The following PLBD1 variants were observed in gnomAD, a reference collection of about 807,000 sequenced individuals.
PLBD1 encodes phospholipase B domain containing 1.
PLBD1 carries 60 observed loss-of-function variants against 63.0 expected under a neutral mutation model. The observed-to-expected ratio is 0.95, with a 90% CI of 0.77 to 1.18. PLBD1 has a LOEUF of 1.18. Among genes scored for constraint, PLBD1 ranks in the 50% most tolerant of loss-of-function variants. The probability of loss-of-function intolerance (pLI) is 0.00; values close to 1 mark genes in which losing one functional copy is unlikely to be tolerated. For synonymous variants in PLBD1, 262 were observed against 248.0 expected, an observed-to-expected ratio of 1.06 and a Z score of -0.53; for missense variants, 598 against 677.9, an observed-to-expected ratio of 0.88 and a Z score of 1.31.
chr12:14,559,919 G>C (rs1462169895), intron 1 of PLBD1, among the ~76,000 whole-genome samples: 1 of 150,982 alleles, frequency 6.6e-6, no homozygotes, highest in East Asian at 1.9e-4. Flanking sequence ...GGAGTGCAAT[G>C]GTGCGATCTT....
chr12:14,516,064 C>T (rs1220125450), intron 6 of PLBD1, among the ~76,000 whole-genome samples: 9 of 151,356 alleles, frequency 5.9e-5, no homozygotes, highest in Non-Finnish European at 2.9e-5. Context: ...GGCACGGTGG[C>T]TCACGCCTGT....
intron 5 of PLBD1, 55 bp from the exon 6 acceptor site, chr12:14,535,858 T>C (rs1180741226): frequency 3.8e-6 from 6 of 1,561,786 alleles, no homozygotes; most frequent in Non-Finnish European, 5.2e-6. Flanking sequence ...CTGACTGCAA[T>C]TGTCTTAAGT....
chr12:14,506,872 C>T (rs1945260062), intron 9 of PLBD1, 61 bp downstream of exon 9: 1 of 1,463,348 alleles, frequency 6.8e-7, no homozygotes, highest in African/African-American at 1.4e-5. Context: ...TACATGGATT[C>T]TGTATCCATA....
chr12:14,527,707 A>G (rs1417979987), intron 6 of PLBD1, among the ~76,000 whole-genome samples: 1 of 152,174 alleles, frequency 6.6e-6, no homozygotes, highest in Non-Finnish European at 1.5e-5. Context: ...ACCTTCCTTT[A>G]TTGGCCCTTA....
chr12:14,513,924 C>T (rs919535707), intron 6 of PLBD1, among the ~76,000 whole-genome samples: 10 of 152,112 alleles, frequency 6.6e-5, no homozygotes, highest in East Asian at 1.9e-4. Context: ...GGACTACAGG[C>T]GCCCGCCACC....
At chr12:14,543,443 G>A (rs1019386337) in intron 2 of PLBD1, among the ~76,000 whole-genome samples, 6 of 152,120 alleles carry the variant, frequency 3.9e-5, no homozygotes, top group African/African-American at 1.4e-4. Context: ...CTTAGGCCGA[G>A]CACGATGGTT....
At chr12:14,506,884 G>A (rs1284020978) in intron 9 of PLBD1, 49 bp downstream of exon 9, 5 of 1,534,010 alleles carry the variant, frequency 3.3e-6, no homozygotes, top group Non-Finnish European at 3.6e-6. Flanking sequence ...GTATCCATAG[G>A]GAAGAAAAGG....
intron 6 of PLBD1, among the ~76,000 whole-genome samples, chr12:14,520,291 T>C (rs1393338006): frequency 6.6e-6 from 1 of 152,176 alleles, no homozygotes; most frequent in African/African-American, 2.4e-5. Context: ...AGCTCTATAA[T>C]ATGAATTTGA....
chr12:14,525,269 A>C (rs1945407855), intron 6 of PLBD1, among the ~76,000 whole-genome samples: 2 of 152,116 alleles, frequency 1.3e-5, no homozygotes, highest in South Asian at 4.1e-4. Context: ...TCTCAAAATA[A>C]ATAAATAAAT....
chr12:14,540,110 T>TATATATATA lies in PLBD1; in HGVS notation c.558+653_558+654insTATATATAT, dbSNP rs1565577674. 7.8e-4 allele frequency among the ~76,000 whole-genome samples: 72 copies of TATATATATA among 91,780 alleles called. 5 individuals are homozygous for TATATATATA. The highest frequency in any genetic ancestry group is 1.5e-3 in the African/African-American group (34 of 23,046). The allele number at this position is 91,780 out of a possible 152,430, so 60.2% of individuals were successfully genotyped here. ...GAGAGTTATATAATATAAATATTATTTATATATATATATATATATATACTG... is the reference window on the plus strand; with the variant it reads ...GAGAGTTATATAATATAAATATTATTATATATATATATATATATATATATATATATACTG... On this transcript the variant is annotated intron_variant, in intron 4 of 10. Coordinates refer to ENST00000240617, the MANE Select transcript of PLBD1 (RefSeq NM_024829.6).
intron 2 of PLBD1, among the ~76,000 whole-genome samples, chr12:14,544,366 G>T (rs1945599996): frequency 6.6e-6 from 1 of 152,142 alleles, no homozygotes; most frequent in Non-Finnish European, 1.5e-5. Context: ...TAGAGATGGG[G>T]TTTTGCCATA....
intron 6 of PLBD1, among the ~76,000 whole-genome samples, chr12:14,518,926 T>G (rs1337126814): frequency 6.6e-6 from 1 of 151,922 alleles, no homozygotes; most frequent in African/African-American, 2.4e-5. Flanking sequence ...TAGGGTATTA[T>G]GTATTACCCA....
chr12:14,540,655 A>C (rs1221829594), intron 4 of PLBD1, 109 bp downstream of exon 4: 1 of 1,172,780 alleles, frequency 8.5e-7, no homozygotes, highest in Admixed American at 2.6e-5. Context: ...AGGAATTTAT[A>C]CTGTAGTTCT....
intron 6 of PLBD1, among the ~76,000 whole-genome samples, chr12:14,513,588 G>A (rs1467752798): frequency 6.6e-6 from 1 of 152,076 alleles, no homozygotes; most frequent in African/African-American, 2.4e-5. Context: ...CAGAAGACCT[G>A]CATTTTAGTT....
rs184522599 is a variant in PLBD1 at position 14,550,103 on chromosome 12, C to T, written c.335+3090G>A. On this transcript the variant is annotated intron_variant, in intron 2 of 10. Transcript: ENST00000240617. Reference sequence around the variant, plus strand: ...AACGCAGTAGTTCTCTTCTATCAAGCACCAAGCCTACAACTCACTTCTTCC... The same window carrying T: ...AACGCAGTAGTTCTCTTCTATCAAGTACCAAGCCTACAACTCACTTCTTCC... Among the ~76,000 whole-genome samples, 237 of 152,306 alleles carry T rather than the reference C, an allele frequency of 1.6e-3. 2 individuals are homozygous for T. Among genetic ancestry groups the T allele is most frequent in the Admixed American group, 0.015 (231 of 15,298 alleles).
intron 6 of PLBD1, among the ~76,000 whole-genome samples, chr12:14,535,207 C>T (rs190942224): frequency 1.2e-4 from 19 of 152,266 alleles, no homozygotes; most frequent in Non-Finnish European, 2.2e-4. Context: ...TTCATTCATC[C>T]ATTCATTTGG....
intron 1 of PLBD1, among the ~76,000 whole-genome samples, chr12:14,562,974 A>T (rs1424965326): frequency 6.6e-6 from 1 of 152,210 alleles, no homozygotes; most frequent in Non-Finnish European, 1.5e-5. Flanking sequence ...TTCTTAGCAT[A>T]TATATTATAA....
intron 6 of PLBD1, among the ~76,000 whole-genome samples, chr12:14,524,613 G>T (rs1945403014): frequency 6.6e-6 from 1 of 152,104 alleles, no homozygotes; most frequent in African/African-American, 2.4e-5. Context: ...CTTGCCATAA[G>T]GAACTGATAA....
At chr12:14,554,504 C>G (rs550398678) in intron 1 of PLBD1, among the ~76,000 whole-genome samples, 1 of 152,174 alleles carries the variant, frequency 6.6e-6, no homozygotes, top group African/African-American at 2.4e-5. Context: ...AAAGTGTCCA[C>G]ACTGAATCAG....
Sources: gnomAD v4.1 joint callset for allele counts (sites outside exome capture counted in the v4.1 genomes callset) on GRCh38, gnomAD v4.1.1 for gene constraint, MANE v1.5 for transcripts, NCBI Gene and HGNC (gene_info 2026-07-23, HGNC 2026-07-21) for gene names.